Variants in ME3 observed in about 807,000 individuals in gnomAD.
The protein encoded by ME3 is malic enzyme 3.
In ME3, 48 loss-of-function variants were observed where a neutral mutation model predicts 68.9. The ratio of observed to expected loss-of-function variants is 0.70; its 90% CI spans 0.55 to 0.89. ME3 has a LOEUF of 0.89. Ranked by LOEUF, ME3 falls within the 40% of genes least tolerant of loss-of-function variation. ME3 has a pLI of 0.00. For synonymous variants in ME3, 320 were observed against 318.8 expected (o/e 1.00, Z -0.04); for missense variants, 675 against 797.4 (o/e 0.85, Z 1.85).
At chr11:86,662,229 T>C (rs1162576409) in intron 2 of ME3, among the ~76,000 whole-genome samples, 3 of 152,168 alleles carry the variant, frequency 2.0e-5, no homozygotes, top group Non-Finnish European at 4.4e-5. Flanking sequence ...AGCCCTAAAA[T>C]CAGGTGGCCT....
intron 4 of ME3, among the ~76,000 whole-genome samples, chr11:86,532,728 T>C (rs12269737): frequency 0.011 from 1,642 of 152,284 alleles, 35 homozygotes; most frequent in African/African-American, 0.037. Context: ...AAAGCAATTC[T>C]AAGAGGAAAG....
chr11:86,442,718 C>T, intron 14 of ME3, 103 bp downstream of exon 14: 1 of 934,626 alleles, frequency 1.1e-6, no homozygotes, highest in Admixed American at 2.3e-5. Flanking sequence ...TCAAGGAGAT[C>T]CAGTGTCTCC....
At chr11:86,503,527 AC>A (rs1472734101) in intron 5 of ME3, among the ~76,000 whole-genome samples, 1 of 152,184 alleles carries the variant, frequency 6.6e-6, no homozygotes, top group Non-Finnish European at 1.5e-5. Context: ...TTGAGATCTT[AC>A]GGCAGCCCAA....
At chr11:86,447,538 C>A (rs1949381528) in intron 11 of ME3, among the ~76,000 whole-genome samples, 1 of 151,978 alleles carries the variant, frequency 6.6e-6, no homozygotes. Context: ...AGAGAAATGC[C>A]CATCTCATTG....
At chr11:86,556,583 T>G in exon 4 of ME3, 1 of 1,614,130 alleles carries the variant, frequency 6.2e-7, no homozygotes, top group South Asian at 1.1e-5. Context: ...GCCATAGTGC[T>G]GACAGGCCAG....
At chr11:86,654,318 T>C (rs1011623383) in intron 2 of ME3, among the ~76,000 whole-genome samples, 1 of 152,104 alleles carries the variant, frequency 6.6e-6, no homozygotes, top group African/African-American at 2.4e-5. Flanking sequence ...GACCAATATC[T>C]TTGATGAACA....
intron 2 of ME3, among the ~76,000 whole-genome samples, chr11:86,661,827 G>A (rs984754042): frequency 1.4e-5 from 2 of 146,802 alleles, no homozygotes; most frequent in African/African-American, 5.0e-5. Context: ...CTCCTTCAAG[G>A]CAGAGTATTG....
intron 7 of ME3, among the ~76,000 whole-genome samples, chr11:86,468,470 C>A (rs1950605683): frequency 6.6e-6 from 1 of 152,176 alleles, no homozygotes; most frequent in Admixed American, 6.5e-5. Context: ...TCCATAAATT[C>A]ATCCATCCAA....
chr11:86,669,107 C>T (rs1046830257), intron 2 of ME3, among the ~76,000 whole-genome samples: 13 of 152,344 alleles, frequency 8.5e-5, no homozygotes, highest in Non-Finnish European at 1.6e-4. Flanking sequence ...CACTGGAGGA[C>T]AACAGAACAG....
chr11:86,439,826 C>T (rs1948924827), downstream of ME3, among the ~76,000 whole-genome samples: 1 of 152,166 alleles, frequency 6.6e-6, no homozygotes. Flanking sequence ...AGCAGCGATA[C>T]AGAGGAAATT....
At chr11:86,480,447 A>AC (rs1273568343) in intron 7 of ME3, among the ~76,000 whole-genome samples, 47 of 152,324 alleles carry the variant, frequency 3.1e-4, no homozygotes, top group African/African-American at 1.1e-3. Flanking sequence ...CTTTCACAGG[A>AC]AGCCATTTAG....
intron 2 of ME3, among the ~76,000 whole-genome samples, chr11:86,590,968 T>A (rs1353773812): frequency 1.3e-5 from 2 of 152,134 alleles, no homozygotes; most frequent in East Asian, 1.9e-4. Context: ...TCAAGGTACA[T>A]TTCAGAGGGA....
chr11:86,598,467 C>T (rs1173647791), intron 2 of ME3, among the ~76,000 whole-genome samples: 1 of 152,218 alleles, frequency 6.6e-6, no homozygotes, highest in Non-Finnish European at 1.5e-5. Flanking sequence ...TGGGTGGAGC[C>T]CACCACAGCT....
intron 2 of ME3, among the ~76,000 whole-genome samples, chr11:86,628,939 GTGCTGTGCT>G (rs1943834588): frequency 1.4e-4 from 22 of 152,184 alleles, no homozygotes; most frequent in Admixed American, 1.4e-3. Flanking sequence ...GATAAAGAAA[GTGCTGTGCT>G]TGTCATCTGA....
chr11:86,622,922 C>T (rs1393052570), intron 2 of ME3: 1 of 150,576 alleles, frequency 6.6e-6, no homozygotes, highest in Non-Finnish European at 1.5e-5. Flanking sequence ...GATTCAAACC[C>T]TACCTCCACC....
Position 86,637,211 on chromosome 11 carries a change from T to C in ME3, c.183+34551A>G, listed in dbSNP as rs1440204565. The stretch of plus-strand genomic sequence containing the variant: ...ATTAACTCATTCAGTTAACAAATAC[T>C]ATGAAGCATCTGCCATGTGTGTGAA... On this transcript the variant is annotated intron_variant, in intron 2 of 14. Transcript: ENST00000543262. Among the ~76,000 whole-genome samples, 3 of 152,228 alleles carry C rather than the reference T, an allele frequency of 2.0e-5. No individual in the cohort carries two copies. The East Asian group carries it at 5.8e-4, about 29-fold the overall frequency.
At position 86,603,518 on chromosome 11, in the gene ME3, C is replaced by A. The variant is rs1219449625; in HGVS notation, c.184-43695G>T. Among the ~76,000 whole-genome samples the A allele has an allele frequency of 9.2e-5, 14 of 152,210 alleles. No individual in the cohort carries two copies. In the South Asian group the frequency reaches 1.2e-3, roughly 14 times the overall value. ...GGTGGGACTGTAAACTAGTTCAACC[C>A]CTGTGGAAGACAGTGTGGCGATTCC... On this transcript the variant is annotated intron_variant, in intron 2 of 14. Coordinates refer to ENST00000543262, the Ensembl canonical transcript of ME3.
intron 4 of ME3, among the ~76,000 whole-genome samples, chr11:86,553,393 T>C (rs1007463796): frequency 1.3e-5 from 2 of 152,186 alleles, no homozygotes; most frequent in African/African-American, 4.8e-5. Context: ...GTGCTGGCTC[T>C]CTCCCTCTTG....
At chr11:86,548,686 A>G (rs1956499882) in intron 4 of ME3, among the ~76,000 whole-genome samples, 1 of 152,230 alleles carries the variant, frequency 6.6e-6, no homozygotes, top group African/African-American at 2.4e-5. Flanking sequence ...AATCTGCAAG[A>G]AAAATGAAAG....
Sources: allele counts gnomAD v4.1 joint callset (sites outside exome capture counted in the v4.1 genomes callset), GRCh38; gene constraint gnomAD v4.1.1; transcripts MANE v1.5; gene names NCBI Gene and HGNC (gene_info 2026-07-23, HGNC 2026-07-21).